AGBL1: variants seen among roughly 807,000 people sequenced by gnomAD.
AGBL1 encodes the protein cytosolic carboxypeptidase 4.
AGBL1 carries 130 observed loss-of-function variants against 118.9 expected under a neutral mutation model. The ratio of observed to expected loss-of-function variants is 1.09; its 90% confidence interval spans 0.95 to 1.26. The LOEUF (loss-of-function observed/expected upper bound fraction) is 1.26, where lower values mean the gene tolerates loss of function less well. AGBL1 is among the 50% of genes most tolerant of loss of function. AGBL1 has a pLI of 0.00. For missense variants in AGBL1, 1,584 were observed against 1,298.1 expected, an observed-to-expected ratio of 1.22 and a Z score of -3.38; for synonymous variants, 555 against 478.9, an observed-to-expected ratio of 1.16 and a Z score of -2.08.
At chr15:86,794,072 CA>C (rs2078536245) in intron 22 of AGBL1, among the ~76,000 whole-genome samples, 1 of 152,148 alleles carries the variant, frequency 6.6e-6, no homozygotes, top group South Asian at 2.1e-4. Flanking sequence ...ATAAAATTAC[CA>C]CATGACACAG....
At chr15:86,183,614 C>T (rs1050016639) in intron 5 of AGBL1, among the ~76,000 whole-genome samples, 1 of 152,082 alleles carries the variant, frequency 6.6e-6, no homozygotes, top group Admixed American at 6.6e-5. Context: ...TTTACTGGAG[C>T]CCAAGGGCTC....
At chr15:86,561,281 AT>A (rs1276382290) in intron 21 of AGBL1, among the ~76,000 whole-genome samples, 18 of 152,276 alleles carry the variant, frequency 1.2e-4, no homozygotes, top group African/African-American at 4.3e-4. Flanking sequence ...TAGGGTTTTT[AT>A]GGCTTTAGGT....
intron 17 of AGBL1, among the ~76,000 whole-genome samples, chr15:86,346,077 G>T (rs1189990395): frequency 6.6e-6 from 1 of 151,796 alleles, no homozygotes; most frequent in African/African-American, 2.4e-5. Flanking sequence ...CTGCCTCCTG[G>T]ATTCAAATGA....
chr15:86,753,575 T>A (rs1289777188), intron 22 of AGBL1, among the ~76,000 whole-genome samples: 2 of 151,964 alleles, frequency 1.3e-5, no homozygotes, highest in Non-Finnish European at 2.9e-5. Flanking sequence ...TTTTTGTATT[T>A]TTAGTAGAGA....
At chr15:86,709,928 T>A (rs550722572) in intron 22 of AGBL1, among the ~76,000 whole-genome samples, 3 of 152,358 alleles carry the variant, frequency 2.0e-5, no homozygotes, top group African/African-American at 7.2e-5. Context: ...ATAGAGAGCC[T>A]TGTTATCCTG....
In AGBL1 at chr15:86,522,757, C is replaced by T; in HGVS notation, c.2556-53C>T. ...TTTATCTTGTGGAGCTTTATTTTCT[C>T]AAGTTATTTTCTTCTGAATGTGTAT... is the stretch of plus-strand genomic sequence containing the variant. On this transcript the variant is annotated intron_variant, in intron 18 of 22. Transcript: ENST00000614907. The T allele has an allele frequency of 6.3e-6, 10 of 1,581,318 alleles. No individual in the cohort carries two copies. In the Middle Eastern group the frequency reaches 1.5e-3, roughly 244 times the overall value.
At chr15:86,716,185 T>A (rs1310727039) in intron 22 of AGBL1, among the ~76,000 whole-genome samples, 2 of 152,198 alleles carry the variant, frequency 1.3e-5, no homozygotes, top group Non-Finnish European at 2.9e-5. Flanking sequence ...TCCTGGAATC[T>A]CTCTACCATT....
In AGBL1 at chr15:86,803,853, T is replaced by C. The variant is rs571191402; in HGVS notation, c.3159-103234T>C. ...GGGTGGAGGATGCTTCTGGTATCTG[T>C]TGGGTAGAGATCAGAGATGCTGCTG... On this transcript the variant is annotated intron_variant, in intron 22 of 22. Transcript: ENST00000614907. 1.3e-4 allele frequency among the ~76,000 whole-genome samples: 20 copies of C among 152,196 alleles called. No homozygotes were observed. In the South Asian group the frequency reaches 3.9e-3, roughly 30 times the overall value.
At chr15:86,219,970 T>G (rs1225890642) in intron 5 of AGBL1, among the ~76,000 whole-genome samples, 3 of 145,828 alleles carry the variant, frequency 2.1e-5, no homozygotes, top group Non-Finnish European at 4.5e-5. Context: ...TTTTTTTTTT[T>G]AGATGGAGTT....
At chr15:86,931,020 G>A (rs1015620782) in intron 23 of AGBL1, among the ~76,000 whole-genome samples, 9 of 152,270 alleles carry the variant, frequency 5.9e-5, no homozygotes, top group Non-Finnish European at 8.8e-5. Flanking sequence ...ATAAGGAGGA[G>A]CTGAGGACTG....
chr15:86,667,234 G>GTATCTATCTATCTATCTATC lies in AGBL1; in HGVS notation c.2995-7036_2995-7035insCTATCTATCTATCTATCTAT, dbSNP rs1323977258. Among the ~76,000 whole-genome samples the GTATCTATCTATCTATCTATC allele has an allele frequency of 2.8e-3, 273 of 97,538 alleles. 1 individual carries two copies. The highest frequency in any genetic ancestry group is 0.013 in the East Asian group (57 of 4,266). The allele number at this position is 97,538 out of a possible 152,430, so 64.0% of individuals were successfully genotyped here. A position where few individuals can be genotyped will look rare whatever the true frequency, so the allele number is the denominator to read the frequency against. ...TGTATCTATGTATGTATGTATGTAT[G>GTATCTATCTATCTATCTATC]TATGTATGTATGTATGTATGTATCT... On this transcript the variant is annotated intron_variant, in intron 21 of 22. Coordinates refer to ENST00000614907, the MANE Select transcript of AGBL1 (RefSeq NM_001386094.1).
chr15:86,087,100 G>C (rs1895709312), intron 1 of AGBL1, among the ~76,000 whole-genome samples: 1 of 152,176 alleles, frequency 6.6e-6, no homozygotes, highest in Admixed American at 6.5e-5. Context: ...CCATTAGCTA[G>C]CGAAAGCACT....
At chr15:86,986,362 A>G (rs927934080) in intron 23 of AGBL1, among the ~76,000 whole-genome samples, 2 of 152,214 alleles carry the variant, frequency 1.3e-5, no homozygotes, top group African/African-American at 2.4e-5. Flanking sequence ...TTACAACTAT[A>G]TACATATATA....
intron 21 of AGBL1, among the ~76,000 whole-genome samples, chr15:86,563,926 C>G (rs1325321319): frequency 6.6e-6 from 1 of 152,124 alleles, no homozygotes; most frequent in South Asian, 2.1e-4. Flanking sequence ...GGTTTAAAGT[C>G]TGTTTTATCA....
chr15:86,564,249 G>A (rs1462390566), intron 21 of AGBL1, among the ~76,000 whole-genome samples: 9 of 152,298 alleles, frequency 5.9e-5, no homozygotes, highest in African/African-American at 1.7e-4. Context: ...AATTTGGCAC[G>A]TTTTTGCAGT....
chr15:86,374,588 A>G (rs764807843), intron 17 of AGBL1, among the ~76,000 whole-genome samples: 1 of 152,204 alleles, frequency 6.6e-6, no homozygotes, highest in African/African-American at 2.4e-5. Context: ...GGAGTGAGCT[A>G]GGTTGTCTAT....
At position 86,670,016 on chromosome 15, in the gene AGBL1, A is replaced by C. The variant is rs143172488; in HGVS notation, c.2995-4257A>C. 6.8e-3 allele frequency among the ~76,000 whole-genome samples: 1,042 copies of C among 152,322 alleles called. 9 individuals are homozygous for C. Among genetic ancestry groups the C allele is most frequent in the East Asian group, 0.021 (107 of 5,180 alleles). On this transcript the variant is annotated intron_variant, in intron 21 of 22. Transcript: ENST00000614907. ...ATCATTTTAATAGCTTCCTTATATT[A>C]CATCAAATTTATTCCATTACAATTT...
chr15:86,895,081 C>CTTTT (rs1025358743), intron 22 of AGBL1, among the ~76,000 whole-genome samples: 2 of 152,020 alleles, frequency 1.3e-5, no homozygotes, highest in African/African-American at 2.4e-5. Context: ...CCTTCCCTTT[C>CTTTT]TTTTATCTTC....
chr15:86,641,815 T>C (rs749963673), intron 21 of AGBL1, among the ~76,000 whole-genome samples: 74 of 152,282 alleles, frequency 4.9e-4, no homozygotes, highest in Non-Finnish European at 8.7e-4. Flanking sequence ...TTTGCAGCAA[T>C]GCTGTGTAGC....
Sources: allele counts gnomAD v4.1 joint callset (sites outside exome capture counted in the v4.1 genomes callset), GRCh38; gene constraint gnomAD v4.1.1; transcripts MANE v1.5; gene names NCBI Gene and HGNC (gene_info 2026-07-23, HGNC 2026-07-21).